Variants in STK32B observed in about 807,000 individuals in gnomAD.
The protein encoded by STK32B is serine/threonine kinase 32B.
Under a neutral mutation model 52.6 loss-of-function variants are expected in STK32B, and 43 were observed. That is an observed-to-expected ratio of 0.82 (90% CI 0.64 to 1.05). STK32B has a LOEUF of 1.05. Ranked by LOEUF, STK32B falls within the 50% of genes least tolerant of loss-of-function variation. The pLI is 0.00. For synonymous variants in STK32B, 238 were observed against 204.3 expected (o/e 1.17, Z -1.41); for missense variants, 621 against 534.6 (o/e 1.16, Z -1.59).
intron 3 of STK32B, among the ~76,000 whole-genome samples, chr4:5,245,799 C>G (rs1166592658): frequency 3.9e-5 from 6 of 152,142 alleles, no homozygotes; most frequent in Non-Finnish European, 4.4e-5. Context: ...ATTTGCTTGT[C>G]TGTAAAGTAT....
At chr4:5,119,742 G>GA (rs1283548380) in intron 1 of STK32B, among the ~76,000 whole-genome samples, 1 of 152,218 alleles carries the variant, frequency 6.6e-6, no homozygotes, top group Non-Finnish European at 1.5e-5. Flanking sequence ...TAAACATGAG[G>GA]AAGGACATCA....
At chr4:5,371,288 C>T (rs1020219676) in intron 4 of STK32B, among the ~76,000 whole-genome samples, 11 of 152,028 alleles carry the variant, frequency 7.2e-5, no homozygotes. Context: ...AGGATTCCTG[C>T]TAAAGACAGG....
chr4:5,140,138 G>A, intron 2 of STK32B, 178 bp downstream of exon 2: 1 of 1,419,580 alleles, frequency 7.0e-7, no homozygotes, highest in Non-Finnish European at 9.7e-7. Context: ...ATTTTCTTCT[G>A]GAAATTAAAT....
chr4:5,287,083 A>G (rs550745153), intron 3 of STK32B, among the ~76,000 whole-genome samples: 73 of 152,226 alleles, frequency 4.8e-4, no homozygotes, highest in African/African-American at 1.7e-3. Flanking sequence ...GGCATGAGCC[A>G]CCGCGCCCAG....
In STK32B at chr4:5,396,235, T is replaced by C. The variant is rs1438747513; in HGVS notation, c.435-1972T>C. On this transcript the variant is annotated intron_variant, in intron 4 of 11. Transcript: ENST00000282908. This position sits in a 1 kb window ranked among gnomAD's most constrained non-coding sequence, Gnocchi z 4.7. ...CAGGAGAGAATCCGCCCCTGGCCTG[T>C]TCCAGCTCCAGGTGGCTCCAGGCGT... is the stretch of plus-strand genomic sequence containing the variant. Among the ~76,000 whole-genome samples the C allele has an allele frequency of 6.6e-6, 1 of 152,206 alleles. No homozygotes were observed. Among genetic ancestry groups the C allele is most frequent in the Non-Finnish European group, 1.5e-5 (1 of 68,028 alleles).
intron 6 of STK32B, among the ~76,000 whole-genome samples, chr4:5,427,465 T>C (rs1214370849): frequency 6.6e-6 from 1 of 152,214 alleles, no homozygotes; most frequent in African/African-American, 2.4e-5. Context: ...AAGATTGGTA[T>C]TATTTCTACA....
intron 4 of STK32B, among the ~76,000 whole-genome samples, chr4:5,362,426 AATTG>A (rs1734606355): frequency 6.6e-6 from 1 of 152,226 alleles, no homozygotes; most frequent in Non-Finnish European, 1.5e-5. Context: ...CATTTGGGCT[AATTG>A]ATGCGCCTTT....
At chr4:5,336,338 C>G (rs1047666232) in intron 4 of STK32B, among the ~76,000 whole-genome samples, 1 of 151,910 alleles carries the variant, frequency 6.6e-6, no homozygotes, top group Non-Finnish European at 1.5e-5. Context: ...TAAACAAGCC[C>G]TATTCCTTCA....
At chr4:5,330,271 T>C (rs1020375576) in intron 3 of STK32B, among the ~76,000 whole-genome samples, 6 of 152,212 alleles carry the variant, frequency 3.9e-5, no homozygotes, top group Admixed American at 2.0e-4. Context: ...TCAATTATTA[T>C]ACCCTGTAAG....
At chr4:5,436,906 G>A (rs980985608) in intron 6 of STK32B, among the ~76,000 whole-genome samples, 2 of 152,214 alleles carry the variant, frequency 1.3e-5, no homozygotes, top group Non-Finnish European at 2.9e-5. Context: ...GACATCTCGA[G>A]ATGCTGTGAG....
rs911178127 is a variant in STK32B at position 5,398,942 on chromosome 4, CT to C, written c.472+699del. ...CCAACTCTGGCCTTACCAGAATTAC[CT>C]GGGGGACCTGGTAAAAATCAGAGGT... On this transcript the variant is annotated intron_variant, in intron 5 of 11. Transcript: ENST00000282908. The surrounding 1 kb of genome is among the most constrained non-coding windows in gnomAD (Gnocchi z 4.9). Among the ~76,000 whole-genome samples the C allele has an allele frequency of 2.6e-5, 4 of 152,288 alleles. No homozygotes were observed. The highest frequency in any genetic ancestry group is 9.6e-5 in the African/African-American group (4 of 41,556).
rs200401928 is a variant in STK32B, at chr4:5,460,186, C to T, written c.867C>T (p.Asp289=). 3.0e-5 allele frequency: 49 copies of T among 1,614,000 alleles called. No homozygotes were observed. Among genetic ancestry groups the T allele is most frequent in the African/African-American group, 5.3e-5 (4 of 75,032 alleles). The change falls in exon 9 of 12, where the codon GAC becomes GAT. Residue 289 remains aspartate, a synonymous_variant. Transcript: ENST00000282908. This position sits in a 1 kb window ranked among gnomAD's most constrained non-coding sequence, Gnocchi z 4.8. ...SVPYLADMNW[D]AVFKKALMPG... ...CCTACTTGGCCGACATGAACTGGGA[C>T]GCGGTGTTCAAGAAGGCACTGATGC...
chr4:5,051,273 G>A (rs1741761304), upstream of STK32B, among the ~76,000 whole-genome samples: 1 of 152,166 alleles, frequency 6.6e-6, no homozygotes, highest in African/African-American at 2.4e-5. Flanking sequence ...AGGCGGATGT[G>A]GGATGGTGCT....
At chr4:5,223,539 C>G (rs182381621) in intron 3 of STK32B, among the ~76,000 whole-genome samples, 1 of 152,114 alleles carries the variant, frequency 6.6e-6, no homozygotes, top group African/African-American at 2.4e-5. Flanking sequence ...CTCAGCCAGG[C>G]GCGGTGGCTC....
At chr4:5,442,588 C>T (rs922148045) in intron 6 of STK32B, among the ~76,000 whole-genome samples, 2 of 151,172 alleles carry the variant, frequency 1.3e-5, no homozygotes, top group African/African-American at 2.4e-5. Flanking sequence ...TTAATTGGAG[C>T]ATTTAGTCCA....
At chr4:5,486,059 G>C (rs903778761) in intron 11 of STK32B, among the ~76,000 whole-genome samples, 1 of 152,208 alleles carries the variant, frequency 6.6e-6, no homozygotes, top group Non-Finnish European at 1.5e-5. Flanking sequence ...GAGGCAGTCT[G>C]TCCGTTCTCA....
chr4:5,143,844 G>A (rs973982473), intron 2 of STK32B, among the ~76,000 whole-genome samples: 6 of 104,884 alleles, frequency 5.7e-5, no homozygotes, highest in African/African-American at 1.1e-4. Context: ...TCCTCCATTA[G>A]CACCCTTCTA....
At chr4:5,158,315 G>A (rs1718028755) in intron 2 of STK32B, among the ~76,000 whole-genome samples, 1 of 152,100 alleles carries the variant, frequency 6.6e-6, no homozygotes, top group South Asian at 2.1e-4. Context: ...GGGTCCTGGG[G>A]TCCCTGTGCC....
At chr4:5,497,617 T>C (rs1412427120) in intron 11 of STK32B, among the ~76,000 whole-genome samples, 3 of 152,232 alleles carry the variant, frequency 2.0e-5, no homozygotes, top group African/African-American at 7.2e-5. Flanking sequence ...CGCTGTCTTA[T>C]GAAACACAGT....
Sources: allele counts gnomAD v4.1 joint callset (sites outside exome capture counted in the v4.1 genomes callset), GRCh38; gene constraint gnomAD v4.1.1; non-coding constraint Gnocchi (gnomAD v3.1); transcripts MANE v1.5; gene names NCBI Gene and HGNC (gene_info 2026-07-23, HGNC 2026-07-21).